Variants in PTPRT observed in about 807,000 individuals in gnomAD.
The protein encoded by PTPRT is receptor-type tyrosine-protein phosphatase T.
In PTPRT, 56 loss-of-function variants were observed where a neutral mutation model predicts 176.8. That is an observed-to-expected ratio of 0.32 (90% CI 0.26 to 0.40). PTPRT has a LOEUF of 0.40. PTPRT is among the 10% of genes least tolerant of loss of function. The pLI is 1.00. For missense variants in PTPRT, 1,540 were observed against 1,908.2 expected (o/e 0.81, Z 3.60); for synonymous variants, 783 against 739.0 (o/e 1.06, Z -0.96).
rs937479077 is a variant in PTPRT at position 42,136,289 on chromosome 20, A to G, written c.2770+5626T>C. ...AAAGAGATTTGACTCATTACAATGA[A>G]TTGTGGAGCTGAAAAACCATTTCCT... On this transcript the variant is annotated intron_variant, in intron 18 of 30. Transcript: ENST00000373187. 1.5e-4 allele frequency among the ~76,000 whole-genome samples: 20 copies of G among 133,686 alleles called. 1 individual carries two copies. The highest frequency in any genetic ancestry group is 5.0e-4 in the African/African-American group (18 of 36,098). 87.7% of individuals were successfully genotyped at this position (133,686 alleles called of 152,430 possible). A position where few individuals can be genotyped will look rare whatever the true frequency, so the allele number is the denominator to read the frequency against.
At chr20:43,083,351 T>TATATATATATATATATATATATATATAC (rs2011511581) in intron 1 of PTPRT, among the ~76,000 whole-genome samples, 1 of 114,318 alleles carries the variant, frequency 8.7e-6, no homozygotes, top group African/African-American at 3.4e-5. Context: ...TATATATATA[T>TATATATATATATATATATATATATATAC]ATATATATAT....
At chr20:42,069,484 G>A (rs1174446210), downstream of PTPRT, among the ~76,000 whole-genome samples, 1 of 152,052 alleles carries the variant, frequency 6.6e-6, no homozygotes, top group Non-Finnish European at 1.5e-5. Flanking sequence ...CAGGTCTTGG[G>A]GTATGACCCT....
rs184856209 is a variant in PTPRT, at chr20:42,531,404, T to G, written c.1154-58842A>C. Among the ~76,000 whole-genome samples the G allele has an allele frequency of 3.1e-3, 470 of 152,328 alleles. 1 individual carries two copies. Among genetic ancestry groups the G allele is most frequent in the Non-Finnish European group, 5.2e-3 (353 of 68,024 alleles). On this transcript the variant is annotated intron_variant, in intron 7 of 30. Coordinates refer to ENST00000373187, the MANE Select transcript of PTPRT (RefSeq NM_007050.6). ...GAGAAAGAAAGGAGGTTTCTATAAA[T>G]TGATTACCTTCTTATTAATTATCAT...
chr20:42,786,599 A>G (rs1395041024), intron 3 of PTPRT, among the ~76,000 whole-genome samples: 1 of 152,186 alleles, frequency 6.6e-6, no homozygotes, highest in Non-Finnish European at 1.5e-5. Flanking sequence ...GGGGTACTCC[A>G]GAAATGTCCT....
In PTPRT at chr20:42,236,263, A is replaced by G; in HGVS notation, c.2313-5T>C. On this transcript the variant is annotated splice_polypyrimidine_tract_variant and splice_region_variant and intron_variant, in intron 14 of 30. Coordinates refer to ENST00000373187, the MANE Select transcript of PTPRT (RefSeq NM_007050.6). The stretch of plus-strand genomic sequence containing the variant: ...GAGTAGGAATAAGCATTTCTTCTAT[A>G]TATTGATGGGCAGTCAGATGAAGGA... 6.3e-7 allele frequency: 1 copy of G among 1,595,102 alleles called. No homozygotes were observed. Among genetic ancestry groups the G allele is most frequent in the Non-Finnish European group, 8.6e-7 (1 of 1,163,928 alleles).
At chr20:42,652,944 G>A (rs2075058416) in intron 7 of PTPRT, among the ~76,000 whole-genome samples, 2 of 152,140 alleles carry the variant, frequency 1.3e-5, no homozygotes, top group Non-Finnish European at 2.9e-5. Flanking sequence ...CCAGTTAATA[G>A]CACTGACAGC....
At chr20:42,258,345 A>G (rs1280313901) in intron 13 of PTPRT, among the ~76,000 whole-genome samples, 1 of 152,178 alleles carries the variant, frequency 6.6e-6, no homozygotes, top group African/African-American at 2.4e-5. Flanking sequence ...ACTTTGCTCA[A>G]ATGATATTTA....
chr20:42,209,966 C>A (rs1330796970), intron 15 of PTPRT, among the ~76,000 whole-genome samples: 29 of 152,258 alleles, frequency 1.9e-4, no homozygotes, highest in African/African-American at 5.1e-4. Flanking sequence ...AGTGGGCTTC[C>A]TCCCTGGGAT....
At chr20:42,719,519 C>G (rs1024604487) in intron 6 of PTPRT, among the ~76,000 whole-genome samples, 19 of 152,176 alleles carry the variant, frequency 1.2e-4, no homozygotes, top group African/African-American at 4.3e-4. Context: ...GAAGTTAGCT[C>G]TATAGCCGTG....
At chr20:42,031,900 T>C in the PTPRT span, among the ~76,000 whole-genome samples, 1 of 152,188 alleles carries the variant, frequency 6.6e-6, no homozygotes, top group Non-Finnish European at 1.5e-5. Context: ...CATAACCCTA[T>C]GTATCAGGCA....
intron 7 of PTPRT, among the ~76,000 whole-genome samples, chr20:42,543,474 AT>A (rs2072619757): frequency 6.6e-6 from 1 of 152,036 alleles, no homozygotes; most frequent in Non-Finnish European, 1.5e-5. Flanking sequence ...AATTCTATTT[AT>A]TTTGCTATTT....
chr20:42,553,926 T>C (rs1036671006), intron 7 of PTPRT, among the ~76,000 whole-genome samples: 2 of 152,022 alleles, frequency 1.3e-5, no homozygotes, highest in African/African-American at 4.8e-5. Flanking sequence ...GTTTGGTGAA[T>C]GAATGGTAGC....
In PTPRT at chr20:42,787,922, T is replaced by C. The variant is rs77045170; in HGVS notation, c.486+3273A>G. Among the ~76,000 whole-genome samples, 1,335 of 152,248 alleles carry C rather than the reference T, an allele frequency of 8.8e-3. 28 individuals are homozygous for C. Among genetic ancestry groups the C allele is most frequent in the African/African-American group, 0.03 (1,251 of 41,546 alleles). On this transcript the variant is annotated intron_variant, in intron 3 of 30. Coordinates refer to ENST00000373187, the MANE Select transcript of PTPRT (RefSeq NM_007050.6). ...CAGGGTTGTTATAAAATACAGAAGA[T>C]ATGCCAATATATTACTAATATATTA...
chr20:43,078,425 A>G (rs1047996452), intron 1 of PTPRT, among the ~76,000 whole-genome samples: 1 of 151,920 alleles, frequency 6.6e-6, no homozygotes, highest in Non-Finnish European at 1.5e-5. Flanking sequence ...CATCCAGGTG[A>G]TTTTTTTTCT....
At chr20:42,757,061 A>T (rs1327800854) in intron 5 of PTPRT, among the ~76,000 whole-genome samples, 1 of 95,478 alleles carries the variant, frequency 1.0e-5, no homozygotes, top group Non-Finnish European at 2.1e-5. Context: ...TTAAAAAAAA[A>T]AAAAAAAAAA....
intron 2 of PTPRT, among the ~76,000 whole-genome samples, chr20:42,791,669 T>C (rs558137846): frequency 2.6e-5 from 4 of 152,300 alleles, no homozygotes; most frequent in South Asian, 2.1e-4. Flanking sequence ...AAAAATCTAT[T>C]CAATAAGGTG....
intron 2 of PTPRT, among the ~76,000 whole-genome samples, chr20:42,860,984 G>A (rs572644111): frequency 1.3e-5 from 2 of 152,318 alleles, no homozygotes; most frequent in Admixed American, 6.5e-5. Context: ...TTTTAAGGAT[G>A]ACGATTATTC....
At chr20:43,186,827 T>C (rs1444432849) in intron 1 of PTPRT, among the ~76,000 whole-genome samples, 1 of 152,360 alleles carries the variant, frequency 6.6e-6, no homozygotes, top group Non-Finnish European at 1.5e-5. Flanking sequence ...ACGGTGATTA[T>C]TGAGTTAAAT....
At chr20:42,946,940 T>C (rs974828144) in intron 1 of PTPRT, among the ~76,000 whole-genome samples, 4 of 152,132 alleles carry the variant, frequency 2.6e-5, no homozygotes, top group African/African-American at 9.7e-5. Context: ...CAGCCAAAAA[T>C]GTCTCCAGAC....
Sources: allele counts gnomAD v4.1 joint callset (sites outside exome capture counted in the v4.1 genomes callset), GRCh38; gene constraint gnomAD v4.1.1; transcripts MANE v1.5; gene names NCBI Gene and HGNC (gene_info 2026-07-23, HGNC 2026-07-21).